Variants in ST6GALNAC3 observed in about 807,000 individuals in gnomAD.
The protein encoded by ST6GALNAC3 is ST6 N-acetylgalactosaminide alpha-2,6-sialyltransferase 3.
ST6GALNAC3 carries 25 observed loss-of-function variants against 32.7 expected under a neutral mutation model. That is an observed-to-expected ratio of 0.76 (90% CI 0.56 to 1.07). The LOEUF is 1.07. Ranked by LOEUF, ST6GALNAC3 falls within the 50% of genes least tolerant of loss-of-function variation. The pLI is 0.00. For missense variants in ST6GALNAC3, 355 were observed against 382.4 expected, an observed-to-expected ratio of 0.93 and a Z score of 0.60; for synonymous variants, 129 against 133.1, an observed-to-expected ratio of 0.97 and a Z score of 0.21.
chr1:76,190,446 T>C (rs1474631868), intron 1 of ST6GALNAC3, among the ~76,000 whole-genome samples: 1 of 152,006 alleles, frequency 6.6e-6, no homozygotes, highest in Non-Finnish European at 1.5e-5. Flanking sequence ...TATTGAAAAA[T>C]AAAACAAGAC....
chr1:76,241,283 G>A (rs753946911), intron 1 of ST6GALNAC3, among the ~76,000 whole-genome samples: 12 of 152,126 alleles, frequency 7.9e-5, no homozygotes, highest in Non-Finnish European at 1.6e-4. Flanking sequence ...TCTTTGGCTC[G>A]CAATTCTGAT....
chr1:76,558,910 A>G (rs1339241567), intron 3 of ST6GALNAC3, among the ~76,000 whole-genome samples: 1 of 152,144 alleles, frequency 6.6e-6, no homozygotes, highest in African/African-American at 2.4e-5. Flanking sequence ...TCAACTTCCT[A>G]TAAATACACA....
chr1:76,629,804 A>T lies in ST6GALNAC3; in HGVS notation c.*998A>T. 1 of 974,610 alleles carries T rather than the reference A, an allele frequency of 1.0e-6. No homozygotes were observed. The highest frequency in any genetic ancestry group is 1.2e-6 in the Non-Finnish European group (1 of 819,944). The allele number at this position is 974,610 out of a possible 1,614,324, so 60.4% of individuals were successfully genotyped here. ...CATACTTCATAATATATATTTGTAT[A>T]TTCAAATTTCTATTTTATAGGCCCA... On this transcript the variant is annotated 3_prime_UTR_variant, in exon 5 of 5. Transcript: ENST00000328299.
intron 1 of ST6GALNAC3, among the ~76,000 whole-genome samples, chr1:76,210,574 A>G (rs1655098155): frequency 6.6e-6 from 1 of 152,168 alleles, no homozygotes; most frequent in Non-Finnish European, 1.5e-5. Context: ...TGGGTGGCAT[A>G]AACAACAGAA....
chr1:76,622,002 C>T (rs17684417), intron 3 of ST6GALNAC3, among the ~76,000 whole-genome samples: 3,891 of 152,044 alleles, frequency 0.026, 60 homozygotes, highest in Non-Finnish European at 0.037. Flanking sequence ...CTGCCAATAC[C>T]ATGCTCTCCA....
intron 3 of ST6GALNAC3, among the ~76,000 whole-genome samples, chr1:76,472,581 A>G (rs1659101586): frequency 6.6e-6 from 1 of 152,120 alleles, no homozygotes; most frequent in African/African-American, 2.4e-5. Context: ...GCTGCTGACA[A>G]TAGGCATGTT....
intron 3 of ST6GALNAC3, among the ~76,000 whole-genome samples, chr1:76,468,868 A>G (rs1658832344): frequency 6.6e-6 from 1 of 152,030 alleles, no homozygotes; most frequent in Non-Finnish European, 1.5e-5. Context: ...AGAGGAAAGA[A>G]GGTAGGACAT....
At chr1:76,491,187 G>C (rs931026546) in intron 3 of ST6GALNAC3, among the ~76,000 whole-genome samples, 1 of 152,010 alleles carries the variant, frequency 6.6e-6, no homozygotes, top group Non-Finnish European at 1.5e-5. Context: ...GCTCCTCACT[G>C]CCCTAGCTAG....
intron 3 of ST6GALNAC3, among the ~76,000 whole-genome samples, chr1:76,590,479 G>T (rs191942661): frequency 2.0e-4 from 30 of 152,242 alleles, no homozygotes; most frequent in African/African-American, 6.5e-4. Flanking sequence ...CTTTTCTATT[G>T]TAAGACTCCA....
At chr1:76,139,594 T>C (rs938562239) in intron 1 of ST6GALNAC3, among the ~76,000 whole-genome samples, 2 of 152,176 alleles carry the variant, frequency 1.3e-5, no homozygotes, top group African/African-American at 4.8e-5. Context: ...GTGACATAGA[T>C]TCTCAGAGAG....
chr1:76,341,154 T>C (rs145880192), intron 2 of ST6GALNAC3, among the ~76,000 whole-genome samples: 43 of 151,762 alleles, frequency 2.8e-4, no homozygotes, highest in African/African-American at 1.0e-3. Context: ...ACCCAAGTAG[T>C]GAATACAGAA....
intron 3 of ST6GALNAC3, among the ~76,000 whole-genome samples, chr1:76,420,239 G>C (rs1654939880): frequency 6.6e-6 from 1 of 151,992 alleles, no homozygotes; most frequent in African/African-American, 2.4e-5. Context: ...ATGGCACTTT[G>C]AATTATGCTA....
At chr1:76,380,348 T>C (rs1444640014) in intron 2 of ST6GALNAC3, among the ~76,000 whole-genome samples, 1 of 152,212 alleles carries the variant, frequency 6.6e-6, no homozygotes, top group Non-Finnish European at 1.5e-5. Flanking sequence ...AATTGAACTG[T>C]ATGACAGTGC....
intron 3 of ST6GALNAC3, among the ~76,000 whole-genome samples, chr1:76,439,387 A>T (rs948301776): frequency 2.0e-5 from 3 of 152,254 alleles, no homozygotes; most frequent in African/African-American, 7.2e-5. Flanking sequence ...TGGTGTATAC[A>T]AATGAAAAAA....
intron 3 of ST6GALNAC3, among the ~76,000 whole-genome samples, chr1:76,494,550 A>AACACACACACAC (rs55892265): frequency 7.8e-5 from 5 of 63,810 alleles, no homozygotes; most frequent in African/African-American, 2.8e-4. Flanking sequence ...CATGTGTATA[A>AACACACACACAC]ACACACACAC....
At chr1:76,231,658 C>G (rs1280655011) in intron 1 of ST6GALNAC3, among the ~76,000 whole-genome samples, 1 of 152,180 alleles carries the variant, frequency 6.6e-6, no homozygotes, top group Admixed American at 6.5e-5. Context: ...CATGTTGTAG[C>G]ATATATCAGA....
intron 2 of ST6GALNAC3, among the ~76,000 whole-genome samples, chr1:76,321,096 G>A (rs1191412967): frequency 2.0e-5 from 3 of 152,098 alleles, no homozygotes; most frequent in African/African-American, 7.2e-5. Context: ...CCACAAGGGT[G>A]AGCAGAAAAG....
At chr1:76,609,549 A>G (rs1647781956) in intron 3 of ST6GALNAC3, among the ~76,000 whole-genome samples, 2 of 152,222 alleles carry the variant, frequency 1.3e-5, no homozygotes, top group African/African-American at 4.8e-5. Context: ...TTAATTTAAT[A>G]TAGGGTCTAT....
At chr1:76,515,859 T>C (rs1260871229) in intron 3 of ST6GALNAC3, among the ~76,000 whole-genome samples, 3 of 152,170 alleles carry the variant, frequency 2.0e-5, no homozygotes, top group Non-Finnish European at 4.4e-5. Context: ...CTATTTTCAG[T>C]TGAGAAGAAT....
Sources: allele counts gnomAD v4.1 joint callset (sites outside exome capture counted in the v4.1 genomes callset), GRCh38; gene constraint gnomAD v4.1.1; transcripts MANE v1.5; gene names NCBI Gene and HGNC (gene_info 2026-07-23, HGNC 2026-07-21).